VPS13A: variants seen among roughly 807,000 people sequenced by gnomAD.
The protein encoded by VPS13A is vacuolar protein sorting 13 homolog A, also known as intermembrane lipid transfer protein VPS13A.
In VPS13A, 264 loss-of-function variants were observed where a neutral mutation model predicts 390.9. The observed-to-expected ratio is 0.68, with a 90% CI of 0.61 to 0.75. VPS13A has a LOEUF of 0.75. Ranked by LOEUF, VPS13A falls within the 30% of genes least tolerant of loss-of-function variation. The pLI is 0.00. For synonymous variants in VPS13A, 1,231 were observed against 1,227.1 expected, an observed-to-expected ratio of 1.00 and a Z score of -0.07; for missense variants, 3,409 against 3,733.9, an observed-to-expected ratio of 0.91 and a Z score of 2.27.
At chr9:77,388,471 T>C (rs1213828852) in intron 68 of VPS13A, among the ~76,000 whole-genome samples, 1 of 152,186 alleles carries the variant, frequency 6.6e-6, no homozygotes, top group Non-Finnish European at 1.5e-5. Flanking sequence ...GATAAATTTA[T>C]TTAGCAATTA....
At chr9:77,402,830 A>G (rs1309453792) in intron 68 of VPS13A, among the ~76,000 whole-genome samples, 4 of 152,208 alleles carry the variant, frequency 2.6e-5, no homozygotes, top group African/African-American at 4.8e-5. Flanking sequence ...AGCGCAAGGC[A>G]GAAGCTAATA....
rs368552811 is a variant in VPS13A, at chr9:77,260,167, A to C, written c.2370A>C (p.Glu790Asp). 1 of 1,612,520 alleles carries C rather than the reference A, an allele frequency of 6.2e-7. No individual in the cohort carries two copies. The highest frequency in any genetic ancestry group is 8.5e-7 in the Non-Finnish European group (1 of 1,178,842). Residue 790 changes from glutamate to aspartate, a missense_variant, in exon 23 of 72, where the codon GAA becomes GAC. Physicochemically the swap from Glu to Asp is conservative, Grantham distance 45. This residue lies in a region of VPS13A where 2,717 missense variants were observed against 2,917.4 expected (regional missense o/e 0.93). Coordinates refer to ENST00000360280, the MANE Select transcript of VPS13A (RefSeq NM_033305.3). ...KKLQGIMELI[E>D]SIPKPEPVTE... ...TACAAGGGATTATGGAATTGATTGA[A>C]AGCATTCCAAAACCTGAACCAGTAA...
At chr9:77,317,732 G>T in intron 40 of VPS13A, 34 bp downstream of exon 40, 1 of 1,495,428 alleles carries the variant, frequency 6.7e-7, no homozygotes, top group South Asian at 1.3e-5. Flanking sequence ...AATATTTAGT[G>T]CACTTAAAAA....
At chr9:77,413,686 G>A (rs1281213220) in intron 71 of VPS13A, among the ~76,000 whole-genome samples, 1 of 152,150 alleles carries the variant, frequency 6.6e-6, no homozygotes, top group African/African-American at 2.4e-5. Context: ...CATGGGCAAG[G>A]ACTTCATGTC....
chr9:77,386,265 C>T (rs1415096831), intron 68 of VPS13A, among the ~76,000 whole-genome samples: 1 of 152,164 alleles, frequency 6.6e-6, no homozygotes, highest in Admixed American at 6.5e-5. Context: ...AGAAAGAATA[C>T]TGCCTATTTT....
intron 68 of VPS13A, among the ~76,000 whole-genome samples, chr9:77,383,362 T>G (rs1444652241): frequency 1.3e-5 from 2 of 152,054 alleles, no homozygotes; most frequent in Non-Finnish European, 2.9e-5. Context: ...ATGGACAGAT[T>G]GTGCAGTCTC....
At position 77,417,101 on chromosome 9, in the gene VPS13A, A is replaced by G. The variant is rs956751748; in HGVS notation, c.*1095A>G. ...GGTTTTCTTTCTTGGTTTTTGTCCA[A>G]GATCTTTGCACCTTAATATTAATGG... On this transcript the variant is annotated 3_prime_UTR_variant, in exon 72 of 72. Transcript: ENST00000360280. 2.0e-5 allele frequency: 3 copies of G among 152,168 alleles called. No homozygotes were observed. Among genetic ancestry groups the G allele is most frequent in the African/African-American group, 7.2e-5 (3 of 41,438 alleles). 9.4% of individuals were successfully genotyped at this position (152,168 alleles called of 1,614,324 possible).
At chr9:77,299,403 T>A (rs1828208947) in intron 33 of VPS13A, among the ~76,000 whole-genome samples, 1 of 152,116 alleles carries the variant, frequency 6.6e-6, no homozygotes, top group Non-Finnish European at 1.5e-5. Flanking sequence ...AGAATGGCAA[T>A]CATTAAAAAG....
intron 22 of VPS13A, among the ~76,000 whole-genome samples, chr9:77,256,613 T>C (rs1825459534): frequency 6.6e-6 from 1 of 152,334 alleles, no homozygotes; most frequent in South Asian, 2.1e-4. Flanking sequence ...ATCAAGGAAC[T>C]GTCTGTTTCT....
At chr9:77,287,028 A>G (rs1312001592) in intron 31 of VPS13A, among the ~76,000 whole-genome samples, 1 of 151,842 alleles carries the variant, frequency 6.6e-6, no homozygotes, top group Non-Finnish European at 1.5e-5. Flanking sequence ...AGGAACAGTC[A>G]TATAGTCCTA....
chr9:77,207,252 T>TATATATATACATAA, intron 5 of VPS13A, among the ~76,000 whole-genome samples: 103 of 87,240 alleles, frequency 1.2e-3, no homozygotes, highest in African/African-American at 3.9e-3. Context: ...TATATATATA[T>TATATATATACATAA]AAAACGTGTT....
chr9:77,305,160 G>C (rs984377739), intron 34 of VPS13A, among the ~76,000 whole-genome samples: 1 of 152,044 alleles, frequency 6.6e-6, no homozygotes, highest in African/African-American at 2.4e-5. Context: ...GGATGGTCTT[G>C]ATCTCCTGAC....
At chr9:77,184,261 A>G (rs964034759) in intron 1 of VPS13A, among the ~76,000 whole-genome samples, 1 of 151,986 alleles carries the variant, frequency 6.6e-6, no homozygotes, top group Admixed American at 6.6e-5. Flanking sequence ...AAATACTCTA[A>G]TTTTTTTCTT....
chr9:77,284,586 A>C (rs1328181739), intron 31 of VPS13A, among the ~76,000 whole-genome samples: 1 of 152,210 alleles, frequency 6.6e-6, no homozygotes, highest in African/African-American at 2.4e-5. Context: ...TAGGTTATCC[A>C]TTTTATTTTC....
At position 77,365,329 on chromosome 9, in the gene VPS13A, C is replaced by T. The variant is rs1832374645; in HGVS notation, c.8212-131C>T. On this transcript the variant is annotated intron_variant, in intron 59 of 71. Coordinates refer to ENST00000360280, the MANE Select transcript of VPS13A (RefSeq NM_033305.3). ...CCTATAGATAGAGATGTTACTTTCC[C>T]TTCTGAGGCAATCATAAGCAATGTT... 3 of 665,922 alleles carry T rather than the reference C, an allele frequency of 4.5e-6. No homozygotes were observed. The East Asian group carries it at 8.3e-5, about 18-fold the overall frequency. The allele number at this position is 665,922 out of a possible 1,614,324, so 41.3% of individuals were successfully genotyped here.
chr9:77,284,814 G>A (rs973112039), intron 31 of VPS13A, among the ~76,000 whole-genome samples: 1 of 151,536 alleles, frequency 6.6e-6, no homozygotes, highest in African/African-American at 2.4e-5. Flanking sequence ...AGTGATTCTC[G>A]TGCCTCAGCC....
intron 71 of VPS13A, 130 bp from the exon 72 acceptor site, chr9:77,415,826 T>A: frequency 9.7e-7 from 1 of 1,027,700 alleles, no homozygotes; most frequent in Non-Finnish European, 1.5e-6. Context: ...CAGGATGAAT[T>A]TTATGTATTG....
At chr9:77,210,160 CCTCTCTCT>C (rs150244384) in intron 6 of VPS13A, among the ~76,000 whole-genome samples, 20 of 107,482 alleles carry the variant, frequency 1.9e-4, no homozygotes, top group African/African-American at 3.9e-4. Flanking sequence ...CCCCCACCTC[CCTCTCTCT>C]CTCTCTCTCT....
At chr9:77,265,750 G>C (rs1208674447) in intron 23 of VPS13A, among the ~76,000 whole-genome samples, 2 of 152,122 alleles carry the variant, frequency 1.3e-5, no homozygotes, top group Non-Finnish European at 2.9e-5. Context: ...CCAGCACCTG[G>C]ATTCACTGAT....
Sources: gnomAD v4.1 joint callset for allele counts (sites outside exome capture counted in the v4.1 genomes callset) on GRCh38, gnomAD v4.1.1 for gene constraint, gnomAD v4.1.1 regional missense constraint, MANE v1.5 for transcripts, NCBI Gene and HGNC (gene_info 2026-07-23, HGNC 2026-07-21) for gene names.